Variants in CAMK2D observed in about 807,000 individuals in gnomAD.
CAMK2D encodes calcium/calmodulin-dependent protein kinase type II subunit delta.
A neutral mutation model predicts 84.0 loss-of-function variants in CAMK2D; 37 were observed. The observed-to-expected ratio is 0.44, with a 90% confidence interval of 0.34 to 0.58. The LOEUF (loss-of-function observed/expected upper bound fraction) is 0.58. Ranked by LOEUF, CAMK2D falls within the 20% of genes least tolerant of loss-of-function variation. The pLI, the probability that CAMK2D is intolerant of heterozygous loss-of-function variation, is 0.02. For missense variants in CAMK2D, 448 were observed against 652.5 expected, an observed-to-expected ratio of 0.69 and a Z score of 3.41; for synonymous variants, 202 against 212.5, an observed-to-expected ratio of 0.95 and a Z score of 0.43.
At chr4:113,463,267 AAGC>A (rs1311493396) in intron 17 of CAMK2D, among the ~76,000 whole-genome samples, 2 of 152,134 alleles carry the variant, frequency 1.3e-5, no homozygotes, top group African/African-American at 4.8e-5. Context: ...AAGAATAAAA[AAGC>A]AGGAAAAAAA....
chr4:113,747,007 C>G lies in CAMK2D; in HGVS notation c.160+12313G>C, dbSNP rs994993768. Reference sequence around the variant, plus strand: ...ATATATATATATACATTGAGTAAAACAATGATCCTTTTTACCCCCTTTAAA... The same window carrying G: ...ATATATATATATACATTGAGTAAAAGAATGATCCTTTTTACCCCCTTTAAA... On this transcript the variant is annotated intron_variant, in intron 2 of 20. Coordinates refer to ENST00000511664, the MANE Select transcript of CAMK2D (RefSeq NM_001321571.2). Among the ~76,000 whole-genome samples, 4 of 145,388 alleles carry G rather than the reference C, an allele frequency of 2.8e-5. 1 individual carries two copies. Among genetic ancestry groups the G allele is most frequent in the Admixed American group, 2.7e-4 (4 of 14,608 alleles).
chr4:113,464,148 C>T (rs1038850287), intron 17 of CAMK2D, among the ~76,000 whole-genome samples: 1 of 152,178 alleles, frequency 6.6e-6, no homozygotes, highest in Admixed American at 6.5e-5. Flanking sequence ...ACCTTGCTGG[C>T]TATCAGCAGA....
At chr4:113,522,159 T>C (rs571960739) in intron 8 of CAMK2D, among the ~76,000 whole-genome samples, 22 of 152,320 alleles carry the variant, frequency 1.4e-4, no homozygotes, top group Non-Finnish European at 2.9e-4. Context: ...GTTAAACCTA[T>C]AATCTTGTTA....
At chr4:113,746,195 C>T (rs2099603736) in intron 2 of CAMK2D, among the ~76,000 whole-genome samples, 1 of 152,134 alleles carries the variant, frequency 6.6e-6, no homozygotes. Context: ...AAGCTAAGTG[C>T]TGTTTTTAAA....
chr4:113,677,081 A>G (rs1228063546), intron 2 of CAMK2D, among the ~76,000 whole-genome samples: 1 of 152,180 alleles, frequency 6.6e-6, no homozygotes, highest in East Asian at 1.9e-4. Context: ...TGTGCATGCT[A>G]TCCTGGCTGC....
At chr4:113,707,301 G>A (rs2099462678) in intron 2 of CAMK2D, among the ~76,000 whole-genome samples, 1 of 152,166 alleles carries the variant, frequency 6.6e-6, no homozygotes, top group South Asian at 2.1e-4. Context: ...AGCCCACACA[G>A]ATGATGAAAG....
intron 4 of CAMK2D, among the ~76,000 whole-genome samples, chr4:113,563,207 T>C (rs2098706828): frequency 6.6e-6 from 1 of 152,016 alleles, no homozygotes. Context: ...TGAGCCGAGA[T>C]CACGCCATTG....
rs939429654 is a variant in CAMK2D, at chr4:113,703,769, T to G, written c.161-41997A>C. 2.6e-5 allele frequency among the ~76,000 whole-genome samples: 4 copies of G among 152,200 alleles called. 1 individual carries two copies. In the South Asian group the frequency reaches 8.3e-4, roughly 31 times the overall value. ...CTGAATGAAGGAAATAAATTTGGGA[T>G]GCAACAGGAATAACACTACAACTGG... On this transcript the variant is annotated intron_variant, in intron 2 of 20. Coordinates refer to ENST00000511664, the MANE Select transcript of CAMK2D (RefSeq NM_001321571.2).
At chr4:113,460,645 C>G (rs2097361788) in intron 17 of CAMK2D, among the ~76,000 whole-genome samples, 1 of 151,588 alleles carries the variant, frequency 6.6e-6, no homozygotes, top group African/African-American at 2.4e-5. Flanking sequence ...ATAAAACTAT[C>G]TTTGATTCTG....
intron 5 of CAMK2D, 110 bp downstream of exon 5, chr4:113,551,921 G>A (rs1040006051): frequency 8.2e-6 from 4 of 490,058 alleles, no homozygotes; most frequent in South Asian, 5.2e-5. Context: ...GAATCATCCC[G>A]GAGATCCTTA....
chr4:113,696,331 G>A (rs2099402742), intron 2 of CAMK2D, among the ~76,000 whole-genome samples: 1 of 151,870 alleles, frequency 6.6e-6, no homozygotes, highest in Admixed American at 6.6e-5. Context: ...TGAAATGTAA[G>A]CTCCATGGAG....
chr4:113,519,317 T>C (rs914613688), intron 8 of CAMK2D, among the ~76,000 whole-genome samples: 1 of 152,224 alleles, frequency 6.6e-6, no homozygotes, highest in Non-Finnish European at 1.5e-5. Flanking sequence ...TTATGAATTA[T>C]GTCTGCAGTT....
At chr4:113,630,396 A>T (rs1237931562) in intron 3 of CAMK2D, among the ~76,000 whole-genome samples, 1 of 152,180 alleles carries the variant, frequency 6.6e-6, no homozygotes, top group Non-Finnish European at 1.5e-5. Flanking sequence ...ACATTTGTTC[A>T]GTCAGGGTTC....
At chr4:113,606,495 A>C (rs2098978115) in intron 4 of CAMK2D, among the ~76,000 whole-genome samples, 1 of 142,408 alleles carries the variant, frequency 7.0e-6, no homozygotes, top group Non-Finnish European at 1.5e-5. Context: ...ACTCTGTCTC[A>C]GAAAAAAAAA....
At chr4:113,722,516 C>T (rs998566302) in intron 2 of CAMK2D, among the ~76,000 whole-genome samples, 3 of 152,134 alleles carry the variant, frequency 2.0e-5, no homozygotes, top group East Asian at 1.9e-4. Context: ...TTAAAGTACA[C>T]GGCTCTTTAT....
At chr4:113,680,891 C>T (rs373558764) in intron 2 of CAMK2D, among the ~76,000 whole-genome samples, 1 of 152,302 alleles carries the variant, frequency 6.6e-6, no homozygotes, top group South Asian at 2.1e-4. Flanking sequence ...GGGAACTTGG[C>T]TAGCATGGGC....
chr4:113,622,381 C>G (rs2099049784), intron 3 of CAMK2D, among the ~76,000 whole-genome samples: 1 of 152,106 alleles, frequency 6.6e-6, no homozygotes, highest in Non-Finnish European at 1.5e-5. Flanking sequence ...TGTGGCTATC[C>G]CACCCACAAG....
intron 4 of CAMK2D, among the ~76,000 whole-genome samples, chr4:113,581,242 G>A (rs1447442441): frequency 3.3e-5 from 5 of 151,998 alleles, no homozygotes; most frequent in Non-Finnish European, 7.4e-5. Context: ...GGCTGGGTGC[G>A]GTGGCTCACA....
intron 16 of CAMK2D, among the ~76,000 whole-genome samples, chr4:113,492,614 TTC>T (rs1431006650): frequency 6.6e-6 from 1 of 151,562 alleles, no homozygotes; most frequent in Non-Finnish European, 1.5e-5. Context: ...AAAATGTATA[TTC>T]TGTTGATTTG....
Sources: gnomAD v4.1 joint callset for allele counts (sites outside exome capture counted in the v4.1 genomes callset) on GRCh38, gnomAD v4.1.1 for gene constraint, MANE v1.5 for transcripts, NCBI Gene and HGNC (gene_info 2026-07-23, HGNC 2026-07-21) for gene names.